Variants in INPP4B observed in about 807,000 individuals in gnomAD.
INPP4B encodes the protein inositol polyphosphate-4-phosphatase type II B.
In INPP4B, 55 loss-of-function variants were observed where a neutral mutation model predicts 122.5. The ratio of observed to expected loss-of-function variants is 0.45; its 90% confidence interval spans 0.36 to 0.56. The LOEUF (loss-of-function observed/expected upper bound fraction) is 0.56, where lower values mean the gene tolerates loss of function less well. Among genes scored for constraint, INPP4B ranks in the 20% least tolerant of loss-of-function variants. INPP4B has a pLI of 0.00. For missense variants in INPP4B, 1,000 were observed against 1,097.7 expected (o/e 0.91, Z 1.26); for synonymous variants, 403 against 388.7 (o/e 1.04, Z -0.43).
intron 2 of INPP4B, among the ~76,000 whole-genome samples, chr4:142,679,725 A>G (rs765070705): frequency 3.3e-5 from 5 of 151,770 alleles, no homozygotes; most frequent in Non-Finnish European, 7.4e-5. Context: ...GCCCTTATCT[A>G]GCAGAGAGTA....
intron 1 of INPP4B, among the ~76,000 whole-genome samples, chr4:142,833,836 A>G (rs1782458546): frequency 2.0e-5 from 3 of 152,132 alleles, no homozygotes; most frequent in Admixed American, 6.6e-5. Context: ...TGCCATTCCT[A>G]TTTAGATGAG....
At chr4:142,289,362 ATCTT>A (rs1755345967) in intron 9 of INPP4B, among the ~76,000 whole-genome samples, 1 of 152,182 alleles carries the variant, frequency 6.6e-6, no homozygotes, top group Non-Finnish European at 1.5e-5. Flanking sequence ...TGAACTTCCA[ATCTT>A]TCTTTTTTAA....
intron 8 of INPP4B, among the ~76,000 whole-genome samples, chr4:142,309,178 A>G (rs551844974): frequency 6.6e-6 from 1 of 152,346 alleles, no homozygotes; most frequent in Non-Finnish European, 1.5e-5. Context: ...TTAAGATCAT[A>G]TAACCAGAAG....
chr4:142,734,176 G>C (rs1223216782), intron 1 of INPP4B, among the ~76,000 whole-genome samples: 1 of 152,078 alleles, frequency 6.6e-6, no homozygotes, highest in Non-Finnish European at 1.5e-5. Context: ...TAAGACGAGA[G>C]AAAGACACGA....
chr4:142,783,201 A>G lies in INPP4B; in HGVS notation c.-253-57300T>C, dbSNP rs1026458833. Among the ~76,000 whole-genome samples the G allele has an allele frequency of 4.6e-5, 7 of 152,352 alleles. No individual in the cohort carries two copies. In the South Asian group the frequency reaches 1.4e-3, roughly 32 times the overall value. ...AACTCAAGAGCTTCTGCACAGCAAA[A>G]GAAACTACCATCAGAGTGAACAGGC... On this transcript the variant is annotated intron_variant, in intron 1 of 25. Transcript: ENST00000262992.
chr4:142,099,145 T>C (rs1029422547), intron 23 of INPP4B, among the ~76,000 whole-genome samples: 4 of 152,154 alleles, frequency 2.6e-5, no homozygotes, highest in Non-Finnish European at 4.4e-5. Context: ...TGAAGTTACA[T>C]GGATAAAAGA....
At position 142,644,210 on chromosome 4, in the gene INPP4B, T is replaced by A. The variant is rs549452129; in HGVS notation, c.-191+81629A>T. On this transcript the variant is annotated intron_variant, in intron 2 of 25. Transcript: ENST00000262992. ...GAGTGAGACTGTCTCAAAAAAAAAA[T>A]AAAATAAAATAAAATAAGAAGGAGA... Among the ~76,000 whole-genome samples the A allele has an allele frequency of 1.4e-3, 163 of 113,194 alleles. 1 individual carries two copies. Among genetic ancestry groups the A allele is most frequent in the South Asian group, 9.3e-3 (35 of 3,754 alleles). 74.3% of individuals were successfully genotyped at this position (113,194 alleles called of 152,430 possible).
chr4:142,052,689 GA>G (rs200221067), intron 25 of INPP4B, among the ~76,000 whole-genome samples: 2 of 45,854 alleles, frequency 4.4e-5, no homozygotes, highest in African/African-American at 7.1e-5. Flanking sequence ...TTTATGCAAA[GA>G]AAAAACAGTA....
chr4:142,484,805 CTA>C (rs1821011053), intron 2 of INPP4B, among the ~76,000 whole-genome samples: 1 of 151,984 alleles, frequency 6.6e-6, no homozygotes, highest in Non-Finnish European at 1.5e-5. Context: ...TTATTCCCCT[CTA>C]TGTGTCCACG....
chr4:142,329,643 C>A (rs1773735096), intron 7 of INPP4B, among the ~76,000 whole-genome samples: 1 of 152,104 alleles, frequency 6.6e-6, no homozygotes, highest in African/African-American at 2.4e-5. Context: ...CAGGGTCAAG[C>A]TAGATATGCA....
intron 2 of INPP4B, among the ~76,000 whole-genome samples, chr4:142,517,936 G>A (rs933388276): frequency 3.3e-5 from 5 of 152,164 alleles, no homozygotes; most frequent in Non-Finnish European, 5.9e-5. Context: ...ATAGTGAAAT[G>A]TATGTAGAGG....
intron 7 of INPP4B, among the ~76,000 whole-genome samples, chr4:142,320,262 C>T (rs1769484049): frequency 6.6e-6 from 1 of 152,162 alleles, no homozygotes; most frequent in Non-Finnish European, 1.5e-5. Flanking sequence ...TTAGGTCAGG[C>T]TCTCCTCAGA....
intron 1 of INPP4B, among the ~76,000 whole-genome samples, chr4:142,727,679 A>G (rs981230113): frequency 1.3e-5 from 2 of 152,138 alleles, no homozygotes; most frequent in African/African-American, 4.8e-5. Context: ...CCAGGAGTTC[A>G]AGACCAGCCT....
intron 25 of INPP4B, among the ~76,000 whole-genome samples, chr4:142,072,192 T>G (rs1767841021): frequency 6.6e-6 from 1 of 152,066 alleles, no homozygotes; most frequent in African/African-American, 2.4e-5. Flanking sequence ...TGTAGGGACA[T>G]GGATGAAGCT....
intron 7 of INPP4B, among the ~76,000 whole-genome samples, chr4:142,332,555 T>C (rs28361347): frequency 0.026 from 3,935 of 151,794 alleles, 175 homozygotes; most frequent in African/African-American, 0.09. Flanking sequence ...GGAAAAGGGG[T>C]GTTTGAGCTA....
rs147625525 is a variant in INPP4B, at chr4:142,647,904, C to T, written c.-191+77935G>A. ...CTTTTGTTCTACCGTTGTTTTCCAC[C>T]GTTTGTAGTAAGTGACTATCAGTTG... On this transcript the variant is annotated intron_variant, in intron 2 of 25. Coordinates refer to ENST00000262992, the MANE Select transcript of INPP4B (RefSeq NM_001101669.3). Among the ~76,000 whole-genome samples the T allele has an allele frequency of 9.1e-4, 139 of 152,324 alleles. 1 individual carries two copies. The highest frequency in any genetic ancestry group is 3.1e-3 in the African/African-American group (129 of 41,594).
intron 1 of INPP4B, among the ~76,000 whole-genome samples, chr4:142,835,536 A>G (rs1379216134): frequency 6.6e-6 from 1 of 152,198 alleles, no homozygotes; most frequent in African/African-American, 2.4e-5. Flanking sequence ...AGACCCAAAT[A>G]CATGAACTAG....
At chr4:142,153,322 A>G (rs1319784692) in intron 17 of INPP4B, among the ~76,000 whole-genome samples, 1 of 152,186 alleles carries the variant, frequency 6.6e-6, no homozygotes, top group South Asian at 2.1e-4. Context: ...CAGTCTACCT[A>G]TATTTACCAT....
At chr4:142,644,689 G>T (rs911386145) in intron 2 of INPP4B, among the ~76,000 whole-genome samples, 1 of 143,474 alleles carries the variant, frequency 7.0e-6, no homozygotes, top group Non-Finnish European at 1.5e-5. Flanking sequence ...ATCACCTAAG[G>T]TCAGAAATTC....
Sources: gnomAD v4.1 joint callset for allele counts (sites outside exome capture counted in the v4.1 genomes callset) on GRCh38, gnomAD v4.1.1 for gene constraint, MANE v1.5 for transcripts, NCBI Gene and HGNC (gene_info 2026-07-23, HGNC 2026-07-21) for gene names.